The following ERBB2 variants were observed in gnomAD, a reference collection of about 807,000 sequenced individuals.
The protein encoded by ERBB2 is receptor tyrosine-protein kinase erbB-2.
Under a neutral mutation model 149.0 loss-of-function variants are expected in ERBB2, and 61 were observed. The observed-to-expected ratio is 0.41, with a 90% CI of 0.33 to 0.51. The LOEUF (loss-of-function observed/expected upper bound fraction) is 0.51, where lower values mean the gene tolerates loss of function less well. Ranked by LOEUF, ERBB2 falls within the 20% of genes least tolerant of loss-of-function variation. The probability of loss-of-function intolerance (pLI) is 0.25; values close to 1 mark genes in which losing one functional copy is unlikely to be tolerated. For missense variants in ERBB2, 1,205 were observed against 1,655.1 expected, an observed-to-expected ratio of 0.73 and a Z score of 4.72; for synonymous variants, 633 against 678.8, an observed-to-expected ratio of 0.93 and a Z score of 1.05.
At chr17:39,700,003 A>G (rs540373743), upstream of ERBB2, 29 of 1,266,094 alleles carry the variant, frequency 2.3e-5, 1 homozygote, top group South Asian at 8.8e-4. Flanking sequence ...CAGGAGAAGG[A>G]GGAGGTGGAG....
At position 39,724,712 on chromosome 17, in the gene ERBB2, A is replaced by G. The variant is rs769062959; in HGVS notation, c.2308-14A>G. On this transcript the variant is annotated splice_polypyrimidine_tract_variant and intron_variant, in intron 19 of 26. Coordinates refer to ENST00000269571, the MANE Select transcript of ERBB2 (RefSeq NM_004448.4). ...GTGGTCTCCCATACCCTCTCAGCGTACCCTTGTCCCCAGGAAGCATACGTG... is the reference window on the plus strand; with the variant it reads ...GTGGTCTCCCATACCCTCTCAGCGTGCCCTTGTCCCCAGGAAGCATACGTG... 37 of 1,613,074 alleles carry G rather than the reference A, an allele frequency of 2.3e-5. No individual in the cohort carries two copies. Among genetic ancestry groups the G allele is most frequent in the Non-Finnish European group, 2.8e-5 (33 of 1,179,484 alleles).
chr17:39,691,075 C>A (rs989480807), upstream of ERBB2, among the ~76,000 whole-genome samples: 2 of 151,430 alleles, frequency 1.3e-5, no homozygotes. Context: ...AAAGGCTCAA[C>A]GGCAAGCTGA....
Position 39,725,901 on chromosome 17 carries a change from T to A in ERBB2, c.2872+48T>A, listed in dbSNP as rs1385406034. On this transcript the variant is annotated intron_variant, in intron 23 of 26. Coordinates refer to ENST00000269571, the MANE Select transcript of ERBB2 (RefSeq NM_004448.4). This position sits in a 1 kb window ranked among gnomAD's most constrained non-coding sequence, Gnocchi z 4.6. ...CTGCCTGGAGGAGGGTGGGAGGTCC[T>A]GGGTGGAGGAGCCCACAAGGGGCAT... 1.2e-6 allele frequency: 2 copies of A among 1,603,290 alleles called. No homozygotes were observed. The highest frequency in any genetic ancestry group is 1.7e-6 in the Non-Finnish European group (2 of 1,175,090).
chr17:39,700,393 G>A, intron 1 of ERBB2, 82 bp downstream of exon 1: 1 of 1,125,300 alleles, frequency 8.9e-7, no homozygotes, highest in Non-Finnish European at 1.1e-6. Context: ...CGGCCGGCGG[G>A]GCCAGAGGGG....
At chr17:39,724,216 T>C (rs1344986894) in intron 19 of ERBB2, among the ~76,000 whole-genome samples, 5 of 149,344 alleles carry the variant, frequency 3.3e-5, no homozygotes, top group Admixed American at 2.7e-4. Flanking sequence ...CCTCCTGGAC[T>C]CAAGCGATTT....
At chr17:39,696,475 G>A (rs1052194056), upstream of ERBB2, 2 of 152,288 alleles carry the variant, frequency 1.3e-5, no homozygotes, top group African/African-American at 2.4e-5. Flanking sequence ...GGGGAAGCAG[G>A]ATCTTTGTAG....
chr17:39,717,089 T>C (rs1254755133), intron 14 of ERBB2: 3 of 495,012 alleles, frequency 6.1e-6, no homozygotes, highest in Non-Finnish European at 1.1e-5. Flanking sequence ...CCTCTCTGGG[T>C]GCCTCCCATT....
chr17:39,704,242 A>G (rs965602359), intron 1 of ERBB2, among the ~76,000 whole-genome samples: 4 of 152,068 alleles, frequency 2.6e-5, no homozygotes, highest in Non-Finnish European at 5.9e-5. Flanking sequence ...GGTCCTGGAG[A>G]CAAGGACACT....
intron 2 of ERBB2, 70 bp from the exon 3 acceptor site, chr17:39,708,251 G>A (rs2058576823): frequency 2.4e-6 from 3 of 1,251,146 alleles, no homozygotes; most frequent in South Asian, 2.6e-5. Flanking sequence ...CCAAGTACTG[G>A]GGAACCCCAG....
chr17:39,716,724 G>A, intron 14 of ERBB2, 119 bp downstream of exon 14: 2 of 912,710 alleles, frequency 2.2e-6, no homozygotes, highest in Non-Finnish European at 3.4e-6. Flanking sequence ...CCCTGGAGAG[G>A]GCTCAGCGCT....
chr17:39,715,625 T>C (rs1751100949), intron 11 of ERBB2, 89 bp downstream of exon 11: 2 of 1,541,772 alleles, frequency 1.3e-6, no homozygotes, highest in Non-Finnish European at 1.8e-6. Flanking sequence ...AGTACTCCTG[T>C]AGCAGTAACC....
At chr17:39,703,671 C>G (rs755975931) in intron 1 of ERBB2, among the ~76,000 whole-genome samples, 10 of 152,206 alleles carry the variant, frequency 6.6e-5, no homozygotes, top group Non-Finnish European at 1.2e-4. Context: ...AGCTTCTGCC[C>G]TGGAGGTCTG....
chr17:39,719,734 G>A (rs2145745608), intron 15 of ERBB2, 53 bp from the exon 16 acceptor site: 1 of 1,582,506 alleles, frequency 6.3e-7, no homozygotes, highest in East Asian at 2.2e-5. Flanking sequence ...CTGGAAAGGT[G>A]GTTCCCAAGA....
At chr17:39,700,519 A>G (rs940712232) in intron 1 of ERBB2, among the ~76,000 whole-genome samples, 1 of 152,204 alleles carries the variant, frequency 6.6e-6, no homozygotes, top group Non-Finnish European at 1.5e-5. Flanking sequence ...GAGATGGCCC[A>G]TCCAAGAGAC....
In ERBB2 at chr17:39,712,332, T is replaced by G. The variant is rs2058859645; in HGVS notation, c.1032T>G (p.Gly344=). 2 of 1,612,866 alleles carry G rather than the reference T, an allele frequency of 1.2e-6. No homozygotes were observed. Among genetic ancestry groups the G allele is most frequent in the Non-Finnish European group, 1.7e-6 (2 of 1,179,390 alleles). ...CSKPCARVCY[G]LGMEHLREVR... is the part of the protein sequence containing the mutation. ...CCCCCACCTCCTCAGTGTGCTATGG[T>G]CTGGGCATGGAGCACTTGCGAGAGG... Residue 344 remains glycine (G), a synonymous_variant, in exon 9 of 27, where the codon GGT becomes GGG. Transcript: ENST00000269571.
upstream of ERBB2, among the ~76,000 whole-genome samples, chr17:39,698,187 G>A (rs1286825213): frequency 6.6e-6 from 1 of 152,000 alleles, no homozygotes; most frequent in Non-Finnish European, 1.5e-5. Flanking sequence ...CTGTTTTACA[G>A]ATGAGCCAAC....
In ERBB2 at chr17:39,728,487, T is replaced by C; in HGVS notation, c.*443T>C. ...GAGGAAGGAACAGCAATGGTGTCAGTATCCAGGCTTTGTACAGAGTGCTTT... is the reference window on the plus strand; with the variant it reads ...GAGGAAGGAACAGCAATGGTGTCAGCATCCAGGCTTTGTACAGAGTGCTTT... On this transcript the variant is annotated 3_prime_UTR_variant, in exon 27 of 27. Coordinates refer to ENST00000269571, the MANE Select transcript of ERBB2 (RefSeq NM_004448.4). 1 of 245,220 alleles carries C rather than the reference T, an allele frequency of 4.1e-6. No homozygotes were observed. The highest frequency in any genetic ancestry group is 7.9e-6 in the Non-Finnish European group (1 of 126,722). The allele number at this position is 245,220 out of a possible 1,614,324, so 15.2% of individuals were successfully genotyped here.
intron 1 of ERBB2, among the ~76,000 whole-genome samples, chr17:39,700,548 G>T (rs1305467803): frequency 6.6e-6 from 1 of 152,230 alleles, no homozygotes; most frequent in Non-Finnish European, 1.5e-5. Flanking sequence ...TCCAGGCTCC[G>T]AGGGGCTCCG....
chr17:39,716,044 C>A, intron 12 of ERBB2, 105 bp downstream of exon 12: 1 of 1,209,268 alleles, frequency 8.3e-7, no homozygotes, highest in Non-Finnish European at 1.2e-6. Flanking sequence ...CTGCCCGTCT[C>A]TGTGCACCCT....
Sources: gnomAD v4.1 joint callset for allele counts (sites outside exome capture counted in the v4.1 genomes callset) on GRCh38, gnomAD v4.1.1 for gene constraint, Gnocchi (gnomAD v3.1) non-coding constraint, MANE v1.5 for transcripts, NCBI Gene and HGNC (gene_info 2026-07-23, HGNC 2026-07-21) for gene names.